Variants in TUB observed in about 807,000 individuals in gnomAD.
TUB encodes the protein TUB bipartite transcription factor.
TUB carries 33 observed loss-of-function variants against 59.7 expected under a neutral mutation model. The observed-to-expected ratio is 0.55, with a 90% CI of 0.42 to 0.74. The LOEUF is 0.74. Ranked by LOEUF, TUB falls within the 30% of genes least tolerant of loss-of-function variation. The probability of loss-of-function intolerance (pLI) is 0.00; values close to 1 mark genes in which losing one functional copy is unlikely to be tolerated. For synonymous variants in TUB, 293 were observed against 256.4 expected, an observed-to-expected ratio of 1.14 and a Z score of -1.36; for missense variants, 659 against 672.0, an observed-to-expected ratio of 0.98 and a Z score of 0.21.
chr11:8,058,946 A>T (rs1266835678), intron 2 of TUB, among the ~76,000 whole-genome samples: 18 of 152,198 alleles, frequency 1.2e-4, no homozygotes, highest in Admixed American at 1.1e-3. Flanking sequence ...TTTATAATAA[A>T]CTTATTGAGT....
At chr11:8,091,265 A>G (rs1943767302) in intron 3 of TUB, among the ~76,000 whole-genome samples, 1 of 152,182 alleles carries the variant, frequency 6.6e-6, no homozygotes, top group African/African-American at 2.4e-5. Context: ...GGAGGGCAGC[A>G]GGTGGGTCTC....
chr11:8,057,337 C>T (rs549292350), intron 2 of TUB, among the ~76,000 whole-genome samples: 58 of 152,200 alleles, frequency 3.8e-4, no homozygotes, highest in African/African-American at 1.2e-3. Context: ...TTCTCAAGGC[C>T]CAGTAACGAG....
chr11:8,028,623 T>C (rs1035851289), intron 1 of TUB, among the ~76,000 whole-genome samples: 1 of 152,228 alleles, frequency 6.6e-6, no homozygotes, highest in East Asian at 1.9e-4. Context: ...GTGGTCCAAT[T>C]TCATTCTTTT....
chr11:8,101,113 C>A, intron 11 of TUB, 116 bp downstream of exon 11: 1 of 1,273,336 alleles, frequency 7.9e-7, no homozygotes, highest in Non-Finnish European at 1.1e-6. Flanking sequence ...GTGAGCTATA[C>A]AGCTAAGGTT....
intron 2 of TUB, among the ~76,000 whole-genome samples, chr11:8,042,705 A>C (rs909705725): frequency 6.6e-6 from 1 of 152,236 alleles, no homozygotes; most frequent in Non-Finnish European, 1.5e-5. Context: ...ACTAATGATG[A>C]CTAACAATGT....
upstream of TUB, among the ~76,000 whole-genome samples, chr11:8,038,193 C>T (rs547014297): frequency 3.3e-5 from 5 of 152,244 alleles, no homozygotes; most frequent in African/African-American, 7.2e-5. Flanking sequence ...GTGGGACATC[C>T]GGGGTGCAGG....
Position 8,055,567 on chromosome 11 carries a change from G to A in TUB, c.203+15875G>A, listed in dbSNP as rs537121191. Among the ~76,000 whole-genome samples the A allele has an allele frequency of 4.2e-3, 638 of 152,324 alleles. 3 individuals carry two copies. The highest frequency in any genetic ancestry group is 0.014 in the African/African-American group (590 of 41,574). On this transcript the variant is annotated intron_variant, in intron 2 of 12. Transcript: ENST00000305253. ...CAGGAGGCAGGCCCTTACCCTGGCCGCACAGATGCTGGGTGATGGGAGCAG... is the reference window on the plus strand; with the variant it reads ...CAGGAGGCAGGCCCTTACCCTGGCCACACAGATGCTGGGTGATGGGAGCAG...
At chr11:8,086,784 C>T (rs1415456516) in intron 1 of TUB, among the ~76,000 whole-genome samples, 1 of 152,206 alleles carries the variant, frequency 6.6e-6, no homozygotes, top group East Asian at 1.9e-4. Flanking sequence ...TGTGCTTGCA[C>T]ATGCCCGCTG....
chr11:8,094,230 C>T, intron 4 of TUB, 41 bp downstream of exon 4: 3 of 1,570,522 alleles, frequency 1.9e-6, no homozygotes, highest in South Asian at 1.2e-5. Context: ...GCAGGCCTGG[C>T]CTCCACTGTA....
chr11:8,029,126 T>A (rs371452842), intron 1 of TUB, among the ~76,000 whole-genome samples: 2 of 152,214 alleles, frequency 1.3e-5, no homozygotes, highest in African/African-American at 4.8e-5. Flanking sequence ...CAAAGGTGGA[T>A]TCTGGCCCAC....
chr11:8,019,455 C>T (rs1942385537), intron 1 of TUB: 1 of 1,193,670 alleles, frequency 8.4e-7, no homozygotes, highest in Non-Finnish European at 1.0e-6. Flanking sequence ...GGCGCGAGCG[C>T]CCGACCCCCA....
intron 6 of TUB, 119 bp downstream of exon 6, chr11:8,096,925 T>C (rs2242503): frequency 0.66 from 787,612 of 1,194,932 alleles, 264,066 homozygotes; most frequent in East Asian, 0.85. Flanking sequence ...TGGCCTCTTA[T>C]GTCCCTCTAC....
chr11:8,070,978 A>G (rs778769729), intron 2 of TUB, among the ~76,000 whole-genome samples: 1 of 152,128 alleles, frequency 6.6e-6, no homozygotes, highest in Non-Finnish European at 1.5e-5. Flanking sequence ...GGGGGTGCAG[A>G]TCATTATGTA....
At chr11:8,041,590 C>T (rs1047661500) in intron 2 of TUB, among the ~76,000 whole-genome samples, 1 of 152,156 alleles carries the variant, frequency 6.6e-6, no homozygotes, top group African/African-American at 2.4e-5. Flanking sequence ...ACCTGTGAAA[C>T]CTTAATCTTT....
chr11:8,101,047 C>CT, intron 11 of TUB, 50 bp downstream of exon 11: 1 of 1,605,118 alleles, frequency 6.2e-7, no homozygotes, highest in Non-Finnish European at 8.5e-7. Flanking sequence ...ACCCAAGGCC[C>CT]TTAGCGTAGG....
Position 8,094,203 on chromosome 11 carries a change from C to T in TUB, c.397+14C>T. On this transcript the variant is annotated intron_variant, in intron 4 of 11. Transcript: ENST00000299506. ...GAAAGCACAAAGGTCAGCTCACATT[C>T]TCTACAGCCCTCCCCAGCAGGCCTG... The T allele has an allele frequency of 6.2e-7, 1 of 1,601,028 alleles. No homozygotes were observed. The highest frequency in any genetic ancestry group is 8.5e-7 in the Non-Finnish European group (1 of 1,172,648).
intron 2 of TUB, among the ~76,000 whole-genome samples, chr11:8,049,688 A>G (rs893867685): frequency 3.3e-5 from 5 of 151,812 alleles, no homozygotes; most frequent in African/African-American, 1.2e-4. Context: ...AACCATAATA[A>G]CATATGTATG....
intron 2 of TUB, among the ~76,000 whole-genome samples, chr11:8,064,647 C>CTG (rs1943202076): frequency 6.6e-6 from 1 of 152,148 alleles, no homozygotes; most frequent in African/African-American, 2.4e-5. Context: ...CAGATAATGA[C>CTG]AGGGGCCTCC....
intron 1 of TUB, among the ~76,000 whole-genome samples, chr11:8,083,634 C>T (rs1249350940): frequency 6.6e-6 from 1 of 152,004 alleles, no homozygotes; most frequent in Non-Finnish European, 1.5e-5. Flanking sequence ...AATTCCTTTC[C>T]TGGGCCGCAG....
Sources: allele counts gnomAD v4.1 joint callset (sites outside exome capture counted in the v4.1 genomes callset), GRCh38; gene constraint gnomAD v4.1.1; transcripts MANE v1.5; gene names NCBI Gene and HGNC (gene_info 2026-07-23, HGNC 2026-07-21).